The following MAGI1 variants were observed in gnomAD, a reference collection of about 807,000 sequenced individuals.
The protein encoded by MAGI1 is membrane associated guanylate kinase, WW and PDZ domain containing 1.
In MAGI1, 58 loss-of-function variants were observed where a neutral mutation model predicts 139.9. That is an observed-to-expected ratio of 0.41 (90% CI 0.34 to 0.52). The LOEUF (loss-of-function observed/expected upper bound fraction) is 0.52, where lower values mean the gene tolerates loss of function less well. Ranked by LOEUF, MAGI1 falls within the 20% of genes least tolerant of loss-of-function variation. The pLI, the probability that MAGI1 is intolerant of heterozygous loss-of-function variation, is 0.12. For missense variants in MAGI1, 1,874 were observed against 1,901.6 expected (o/e 0.99, Z 0.27); for synonymous variants, 812 against 737.9 (o/e 1.10, Z -1.63).
chr3:65,774,294 G>A (rs754162794), intron 1 of MAGI1, among the ~76,000 whole-genome samples: 6 of 152,114 alleles, frequency 3.9e-5, no homozygotes, highest in Admixed American at 6.6e-5. Flanking sequence ...TGTCAAAGGC[G>A]TGGAAGATAC....
intron 1 of MAGI1, among the ~76,000 whole-genome samples, chr3:65,988,988 A>C (rs1000571366): frequency 6.6e-6 from 1 of 152,212 alleles, no homozygotes. Flanking sequence ...CTGACAGCTG[A>C]CTTAACTAAG....
intron 2 of MAGI1, chr3:65,619,806 A>T (rs1480815204): frequency 6.2e-6 from 6 of 969,636 alleles, no homozygotes; most frequent in Admixed American, 1.2e-4. Flanking sequence ...ACCTCTTCTG[A>T]ATTTCCTTCC....
intron 1 of MAGI1, among the ~76,000 whole-genome samples, chr3:65,953,521 T>A (rs922407629): frequency 1.7e-4 from 26 of 152,142 alleles, no homozygotes; most frequent in African/African-American, 5.8e-4. Context: ...CCGAGCCCAG[T>A]TTCTGTTGAC....
chr3:65,998,823 G>A (rs1576411341), intron 1 of MAGI1, among the ~76,000 whole-genome samples: 1 of 152,090 alleles, frequency 6.6e-6, no homozygotes, highest in South Asian at 2.1e-4. Flanking sequence ...TCATAAAAAT[G>A]AGGCTATGAA....
At chr3:65,924,374 C>T (rs987108103) in intron 1 of MAGI1, among the ~76,000 whole-genome samples, 1 of 152,164 alleles carries the variant, frequency 6.6e-6, no homozygotes, top group African/African-American at 2.4e-5. Context: ...CTCCCCAGAA[C>T]ACTGTAAAAT....
At chr3:65,717,016 T>G (rs916038267) in intron 1 of MAGI1, among the ~76,000 whole-genome samples, 6 of 152,206 alleles carry the variant, frequency 3.9e-5, no homozygotes, top group African/African-American at 1.4e-4. Context: ...ATGGCAAAAG[T>G]GACTTTGCCG....
chr3:65,950,058 A>C (rs796713648), intron 1 of MAGI1, among the ~76,000 whole-genome samples: 22,865 of 66,074 alleles, frequency 0.35, 3,903 homozygotes, highest in Non-Finnish European at 0.47. Context: ...AAAAAAAAAA[A>C]CAAAAAAACA....
intron 1 of MAGI1, among the ~76,000 whole-genome samples, chr3:65,882,210 C>T (rs1271213933): frequency 6.6e-6 from 1 of 152,140 alleles, no homozygotes; most frequent in East Asian, 1.9e-4. Context: ...TGGGATCACT[C>T]TAAGATGTAC....
rs183532946 is a variant in MAGI1 at position 65,885,451 on chromosome 3, T to C, written c.313+152545A>G. 2.7e-4 allele frequency among the ~76,000 whole-genome samples: 41 copies of C among 151,936 alleles called. No homozygotes were observed. In the East Asian group the frequency reaches 7.0e-3, roughly 26 times the overall value. On this transcript the variant is annotated intron_variant, in intron 1 of 22. Transcript: ENST00000402939. ...ATTGTGAACGTTATTCCCTATCAAG[T>C]ATAATGAGGGGGAAAAACAAAACTC...
At chr3:65,479,950 C>CTT (rs1401714123) in intron 3 of MAGI1, among the ~76,000 whole-genome samples, 1 of 152,104 alleles carries the variant, frequency 6.6e-6, no homozygotes, top group East Asian at 1.9e-4. Context: ...CCATTTACCA[C>CTT]TTCACATCTT....
At chr3:65,766,929 G>A (rs1459205757) in intron 1 of MAGI1, among the ~76,000 whole-genome samples, 1 of 152,112 alleles carries the variant, frequency 6.6e-6, no homozygotes, top group Non-Finnish European at 1.5e-5. Context: ...AAGCACACTA[G>A]CCTGAGGATA....
chr3:65,906,396 G>T (rs1341080115), intron 1 of MAGI1, among the ~76,000 whole-genome samples: 1 of 152,160 alleles, frequency 6.6e-6, no homozygotes, highest in Non-Finnish European at 1.5e-5. Flanking sequence ...CCACTGGTCA[G>T]TTTAATACAG....
intron 1 of MAGI1, among the ~76,000 whole-genome samples, chr3:65,791,946 TC>T (rs2039802482): frequency 6.6e-6 from 1 of 152,110 alleles, no homozygotes; most frequent in Admixed American, 6.5e-5. Context: ...ACACTAGTTC[TC>T]CCTTATCTGC....
intron 1 of MAGI1, among the ~76,000 whole-genome samples, chr3:65,770,680 A>G (rs1163517778): frequency 6.6e-6 from 1 of 152,050 alleles, no homozygotes; most frequent in Non-Finnish European, 1.5e-5. Flanking sequence ...TTAGTAAATT[A>G]TTATTCATTT....
chr3:65,506,178 T>C (rs1026939515), intron 2 of MAGI1, among the ~76,000 whole-genome samples: 6 of 152,298 alleles, frequency 3.9e-5, no homozygotes, highest in Non-Finnish European at 5.9e-5. Flanking sequence ...TGTGCAACCA[T>C]AGACAAGGTA....
chr3:65,939,361 A>T (rs371973673), intron 1 of MAGI1, among the ~76,000 whole-genome samples: 99 of 152,322 alleles, frequency 6.5e-4, no homozygotes, highest in East Asian at 3.7e-3. Context: ...TCATTATTTC[A>T]TAGTCTTTCA....
intron 2 of MAGI1, among the ~76,000 whole-genome samples, chr3:65,507,396 G>C (rs2077339228): frequency 6.6e-6 from 1 of 152,200 alleles, no homozygotes; most frequent in African/African-American, 2.4e-5. Flanking sequence ...AGAAACATGA[G>C]CATTTAAATA....
At chr3:65,673,467 T>G (rs11714831) in intron 1 of MAGI1, among the ~76,000 whole-genome samples, 23,544 of 152,232 alleles carry the variant, frequency 0.15, 2,018 homozygotes, top group Non-Finnish European at 0.19. Context: ...AGATAATTTG[T>G]TGAGGTGTAC....
At chr3:65,873,642 T>C (rs758116620) in intron 1 of MAGI1, 3 of 152,320 alleles carry the variant, frequency 2.0e-5, no homozygotes, top group South Asian at 2.1e-4. Flanking sequence ...AAGGACAGCA[T>C]GTGTAGAGAC....
Sources: allele counts gnomAD v4.1 joint callset (sites outside exome capture counted in the v4.1 genomes callset), GRCh38; gene constraint gnomAD v4.1.1; transcripts MANE v1.5; gene names NCBI Gene and HGNC (gene_info 2026-07-23, HGNC 2026-07-21).